Variants in TENM3 observed in about 807,000 individuals in gnomAD.
TENM3 encodes teneurin-3.
In TENM3, 63 loss-of-function variants were observed where a neutral mutation model predicts 255.1. That is an observed-to-expected ratio of 0.25 (90% CI 0.20 to 0.30). The LOEUF is 0.30. Ranked by LOEUF, TENM3 falls within the 10% of genes least tolerant of loss-of-function variation. The pLI, the probability that TENM3 is intolerant of heterozygous loss-of-function variation, is 1.00. For missense variants in TENM3, 2,929 were observed against 3,461.1 expected (o/e 0.85, Z 3.86); for synonymous variants, 1,306 against 1,322.3 (o/e 0.99, Z 0.27).
At chr4:182,787,082 G>A (rs938239440) in intron 24 of TENM3, among the ~76,000 whole-genome samples, 4 of 152,106 alleles carry the variant, frequency 2.6e-5, no homozygotes, top group African/African-American at 9.7e-5. Context: ...TTCTTTCCAA[G>A]GTACACAAAG....
chr4:181,469,709 G>A, the TENM3 span, among the ~76,000 whole-genome samples: 1 of 152,022 alleles, frequency 6.6e-6, no homozygotes, highest in East Asian at 1.9e-4. Flanking sequence ...AAGCTAATTT[G>A]TCTGGTTATT....
the TENM3 span, among the ~76,000 whole-genome samples, chr4:181,647,425 G>T: frequency 6.6e-6 from 1 of 152,176 alleles, no homozygotes; most frequent in African/African-American, 2.4e-5. Flanking sequence ...ATGTGTATCT[G>T]CAATATGTAG....
At chr4:182,193,346 G>A (rs368867867) in intron 1 of TENM3, among the ~76,000 whole-genome samples, 3 of 152,198 alleles carry the variant, frequency 2.0e-5, no homozygotes, top group African/African-American at 4.8e-5. Flanking sequence ...ATTAAAGCTC[G>A]GAAACCTTTG....
intron 3 of TENM3, among the ~76,000 whole-genome samples, chr4:182,351,092 C>CTTTTTT (rs5864780): frequency 5.8e-4 from 88 of 151,274 alleles, no homozygotes; most frequent in African/African-American, 2.1e-3. Context: ...GAACAAAGGG[C>CTTTTTT]TTTTTTTTAT....
At chr4:182,748,807 C>G (rs907544108) in intron 19 of TENM3, among the ~76,000 whole-genome samples, 2 of 152,170 alleles carry the variant, frequency 1.3e-5, no homozygotes, top group Non-Finnish European at 2.9e-5. Flanking sequence ...GCCACGTAGA[C>G]TCCCCCACAT....
intron 3 of TENM3, among the ~76,000 whole-genome samples, chr4:182,364,666 G>A (rs13132602): frequency 0.11 from 17,369 of 152,158 alleles, 1,134 homozygotes; most frequent in Non-Finnish European, 0.14. Context: ...TGATCCGCTC[G>A]TCTCGGCCTC....
At chr4:182,269,032 C>T (rs1759440526) in intron 1 of TENM3, among the ~76,000 whole-genome samples, 1 of 151,944 alleles carries the variant, frequency 6.6e-6, no homozygotes, top group Non-Finnish European at 1.5e-5. Flanking sequence ...ATTTCTTTGT[C>T]CTGTGACAAA....
chr4:182,444,606 A>G lies in TENM3; in HGVS notation c.511+97677A>G, dbSNP rs377320585. Reference sequence around the variant, plus strand: ...TCTCAGAGGATACTAATATTGGCCTATTTGTTTCCTGACCTCTTGAGGTAA... The same window carrying G: ...TCTCAGAGGATACTAATATTGGCCTGTTTGTTTCCTGACCTCTTGAGGTAA... On this transcript the variant is annotated intron_variant, in intron 3 of 27. Transcript: ENST00000511685. Among the ~76,000 whole-genome samples the G allele has an allele frequency of 2.6e-5, 4 of 152,234 alleles. No homozygotes were observed. The East Asian group carries it at 7.7e-4, about 29-fold the overall frequency.
Position 182,401,306 on chromosome 4 carries a change from C to T in TENM3, c.511+54377C>T, listed in dbSNP as rs533900584. ...TTATCTTCTTTGAAATAATAGAGAG[C>T]AGTTGTCCAGTTTTAATGCCTTAAT... On this transcript the variant is annotated intron_variant, in intron 3 of 27. Transcript: ENST00000511685. 2.4e-3 allele frequency among the ~76,000 whole-genome samples: 364 copies of T among 152,194 alleles called. 10 individuals carry two copies. Among genetic ancestry groups the T allele is most frequent in the Non-Finnish European group, 2.8e-3 (190 of 68,002 alleles).
intron 1 of TENM3, among the ~76,000 whole-genome samples, chr4:182,288,694 C>T (rs998882149): frequency 2.0e-5 from 3 of 152,136 alleles, no homozygotes; most frequent in Non-Finnish European, 4.4e-5. Flanking sequence ...AGTGACTTCT[C>T]CAAGCTCATA....
intron 3 of TENM3, among the ~76,000 whole-genome samples, chr4:182,391,273 A>T (rs145601548): frequency 6.6e-6 from 1 of 152,310 alleles, no homozygotes; most frequent in African/African-American, 2.4e-5. Context: ...TTTACAGATT[A>T]GGAAGCTGAG....
At chr4:182,019,640 G>A in the TENM3 span, among the ~76,000 whole-genome samples, 1 of 152,142 alleles carries the variant, frequency 6.6e-6, no homozygotes, top group Non-Finnish European at 1.5e-5. Flanking sequence ...GTTTCTCTTG[G>A]AAAAATTAGT....
At chr4:181,794,630 A>G in the TENM3 span, among the ~76,000 whole-genome samples, 16 of 145,326 alleles carry the variant, frequency 1.1e-4, no homozygotes, top group Non-Finnish European at 3.0e-5. Flanking sequence ...TTCTTTTTTA[A>G]GGCATTTCCT....
the TENM3 span, among the ~76,000 whole-genome samples, chr4:181,572,004 G>A: frequency 6.6e-6 from 1 of 152,076 alleles, no homozygotes; most frequent in Non-Finnish European, 1.5e-5. Context: ...TAAGAAGCAG[G>A]CATTTTTATC....
At chr4:182,336,845 T>C (rs1580204635) in intron 2 of TENM3, among the ~76,000 whole-genome samples, 1 of 558 alleles carries the variant, frequency 1.8e-3, no homozygotes, top group Non-Finnish European at 0.031. Flanking sequence ...ATTCTTAGCT[T>C]TTTTTTTTTT....
the TENM3 span, among the ~76,000 whole-genome samples, chr4:181,835,559 G>A: frequency 6.6e-6 from 1 of 152,124 alleles, no homozygotes; most frequent in African/African-American, 2.4e-5. Flanking sequence ...CACTCTTGGC[G>A]ACCAATGTAA....
At chr4:181,936,374 G>A in the TENM3 span, among the ~76,000 whole-genome samples, 13 of 152,288 alleles carry the variant, frequency 8.5e-5, no homozygotes, top group East Asian at 5.8e-4. Flanking sequence ...CAGCCTGGGC[G>A]ACAGGGTGAG....
intron 4 of TENM3, among the ~76,000 whole-genome samples, chr4:182,627,085 G>A (rs561911797): frequency 8.5e-5 from 13 of 152,210 alleles, no homozygotes; most frequent in African/African-American, 2.4e-4. Flanking sequence ...TATTTTTCAC[G>A]TAATAGTTTT....
intron 1 of TENM3, among the ~76,000 whole-genome samples, chr4:182,236,228 A>G (rs1756894526): frequency 6.6e-6 from 1 of 152,194 alleles, no homozygotes; most frequent in Admixed American, 6.5e-5. Context: ...AATTATCCTG[A>G]GCTTTGTGCT....
Sources: allele counts gnomAD v4.1 joint callset (sites outside exome capture counted in the v4.1 genomes callset), GRCh38; gene constraint gnomAD v4.1.1; transcripts MANE v1.5; gene names NCBI Gene and HGNC (gene_info 2026-07-23, HGNC 2026-07-21).